ROBO2: variants seen among roughly 807,000 people sequenced by gnomAD.
ROBO2 encodes the protein roundabout homolog 2.
A neutral mutation model predicts 160.8 loss-of-function variants in ROBO2; 53 were observed. The observed-to-expected ratio is 0.33, with a 90% confidence interval of 0.26 to 0.41. The LOEUF (loss-of-function observed/expected upper bound fraction) is 0.41. Ranked by LOEUF, ROBO2 falls within the 10% of genes least tolerant of loss-of-function variation. The pLI is 1.00. For synonymous variants in ROBO2, 664 were observed against 611.7 expected (o/e 1.09, Z -1.26); for missense variants, 1,577 against 1,722.4 (o/e 0.92, Z 1.49).
At chr3:76,273,675 T>G (rs139772785) in intron 2 of ROBO2, among the ~76,000 whole-genome samples, 147 of 152,224 alleles carry the variant, frequency 9.7e-4, no homozygotes, top group African/African-American at 3.2e-3. Context: ...CTCATCATCA[T>G]GAGAACTCAC....
chr3:77,644,921 T>C lies in ROBO2; in HGVS notation c.4135+17T>C, dbSNP rs1222098786. 2 of 1,609,714 alleles carry C rather than the reference T, an allele frequency of 1.2e-6. No homozygotes were observed. Among genetic ancestry groups the C allele is most frequent in the South Asian group, 2.2e-5 (2 of 90,980 alleles). On this transcript the variant is annotated intron_variant, in intron 25 of 25. Transcript: ENST00000461745. ...GTGAATTATGTAAGTGCTTAGGTCATTTAAAAGGCTATCGTGATTCAGAAA... is the reference window on the plus strand; with the variant it reads ...GTGAATTATGTAAGTGCTTAGGTCACTTAAAAGGCTATCGTGATTCAGAAA...
intron 2 of ROBO2, among the ~76,000 whole-genome samples, chr3:77,183,399 G>T (rs932504606): frequency 1.3e-5 from 2 of 152,026 alleles, no homozygotes; most frequent in Admixed American, 1.3e-4. Context: ...TTTGGAGACA[G>T]GGTCTTTAGA....
At chr3:76,826,053 G>GTTT (rs200322872) in intron 2 of ROBO2, among the ~76,000 whole-genome samples, 1 of 142,272 alleles carries the variant, frequency 7.0e-6, no homozygotes. Context: ...GAGTTTGTGG[G>GTTT]TTTTTTTTTT....
chr3:76,868,753 G>A (rs1471754748), intron 2 of ROBO2, among the ~76,000 whole-genome samples: 1 of 150,980 alleles, frequency 6.6e-6, no homozygotes, highest in African/African-American at 2.4e-5. Context: ...AAAATCACTC[G>A]ATGATTTTTA....
chr3:76,074,936 G>T (rs1328319128), intron 2 of ROBO2, among the ~76,000 whole-genome samples: 1 of 152,126 alleles, frequency 6.6e-6, no homozygotes, highest in African/African-American at 2.4e-5. Flanking sequence ...TATAAAGAAA[G>T]AAATATGTGA....
rs558373949 is a variant in ROBO2, at chr3:77,257,967, G to A, written c.388+159627G>A. On this transcript the variant is annotated intron_variant, in intron 2 of 25. Transcript: ENST00000461745. ...TATAATGCCATTTAAACCTTTTTTAGCTAAAATGTCTTGACTAGAATTTGG... is the reference window on the plus strand; with the variant it reads ...TATAATGCCATTTAAACCTTTTTTAACTAAAATGTCTTGACTAGAATTTGG... Among the ~76,000 whole-genome samples the A allele has an allele frequency of 5.9e-5, 9 of 152,246 alleles. No homozygotes were observed. The South Asian group carries it at 1.9e-3, about 32-fold the overall frequency.
chr3:77,186,073 T>G (rs1484763197), intron 2 of ROBO2, among the ~76,000 whole-genome samples: 1 of 151,948 alleles, frequency 6.6e-6, no homozygotes, highest in African/African-American at 2.4e-5. Flanking sequence ...ACAAATTGGG[T>G]GCAGTGTGTA....
At chr3:77,263,600 T>C (rs1306330204) in intron 2 of ROBO2, among the ~76,000 whole-genome samples, 4 of 152,242 alleles carry the variant, frequency 2.6e-5, no homozygotes, top group African/African-American at 9.6e-5. Flanking sequence ...CTTTTATGGC[T>C]GCATAGTATT....
intron 2 of ROBO2, among the ~76,000 whole-genome samples, chr3:76,461,188 T>C (rs2078065780): frequency 6.6e-6 from 1 of 152,152 alleles, no homozygotes; most frequent in Non-Finnish European, 1.5e-5. Context: ...GGAGCAGGCA[T>C]GTCACATGGC....
chr3:76,641,989 G>C (rs1296081629), intron 2 of ROBO2, among the ~76,000 whole-genome samples: 1 of 152,076 alleles, frequency 6.6e-6, no homozygotes, highest in Non-Finnish European at 1.5e-5. Flanking sequence ...CAAAGTGTTG[G>C]GAATACAGGC....
At chr3:77,287,142 T>C (rs1172613440) in intron 2 of ROBO2, among the ~76,000 whole-genome samples, 1 of 152,194 alleles carries the variant, frequency 6.6e-6, no homozygotes, top group Non-Finnish European at 1.5e-5. Context: ...CTTACGCTCT[T>C]GAAATAAACC....
At chr3:76,169,991 A>G (rs1312917675) in intron 2 of ROBO2, among the ~76,000 whole-genome samples, 1 of 152,078 alleles carries the variant, frequency 6.6e-6, no homozygotes, top group Non-Finnish European at 1.5e-5. Flanking sequence ...CATGTTAGCC[A>G]GGATGGTCTC....
chr3:77,489,535 C>T (rs2085807606), intron 4 of ROBO2, among the ~76,000 whole-genome samples: 3 of 152,076 alleles, frequency 2.0e-5, no homozygotes, highest in Admixed American at 2.0e-4. Flanking sequence ...GAACAAGTAC[C>T]ATGACTAAAA....
At chr3:77,226,178 C>G (rs998452294) in intron 2 of ROBO2, among the ~76,000 whole-genome samples, 14 of 151,728 alleles carry the variant, frequency 9.2e-5, no homozygotes, top group Admixed American at 9.2e-4. Context: ...CAAGTTTTGA[C>G]CAAGAAAATT....
chr3:76,444,794 T>A (rs528075000), intron 2 of ROBO2, among the ~76,000 whole-genome samples: 1 of 152,326 alleles, frequency 6.6e-6, no homozygotes, highest in East Asian at 1.9e-4. Flanking sequence ...ACCAAACTGG[T>A]GTTATAATAA....
chr3:76,554,548 T>C lies in ROBO2; in HGVS notation c.110-543466T>C, dbSNP rs758544148. The stretch of plus-strand genomic sequence containing the variant: ...TCCATGTCCCACTTCGTTGCCTACA[T>C]TGTAATTGCGTGTCTAAAGGCAAAC... On this transcript the variant is annotated intron_variant, in intron 2 of 26. Transcript: ENST00000487694. 4.5e-4 allele frequency among the ~76,000 whole-genome samples: 68 copies of C among 152,132 alleles called. 1 individual carries two copies. Among genetic ancestry groups the C allele is most frequent in the Non-Finnish European group, 8.1e-4 (55 of 68,020 alleles).
At chr3:76,238,625 A>G (rs576736597) in intron 2 of ROBO2, among the ~76,000 whole-genome samples, 2 of 150,304 alleles carry the variant, frequency 1.3e-5, no homozygotes, top group Admixed American at 1.3e-4. Flanking sequence ...ACCTCCCCCC[A>G]GGTTTCCCCC....
chr3:76,890,514 G>T lies in ROBO2; in HGVS notation c.110-207500G>T, dbSNP rs1454021437. Among the ~76,000 whole-genome samples the T allele has an allele frequency of 2.0e-5, 3 of 152,172 alleles. No homozygotes were observed. In the East Asian group the frequency reaches 5.8e-4, roughly 29 times the overall value. Reference sequence around the variant, plus strand: ...CTCAGTAGCTGTCTGTCCCAGAAGAGCCATAGCCATTTCCAAATAGGGCCT... The same window carrying T: ...CTCAGTAGCTGTCTGTCCCAGAAGATCCATAGCCATTTCCAAATAGGGCCT... On this transcript the variant is annotated intron_variant, in intron 2 of 26. Coordinates refer to the ROBO2 transcript ENST00000487694.
At chr3:75,942,729 A>T (rs910782763) in intron 2 of ROBO2, among the ~76,000 whole-genome samples, 2 of 152,148 alleles carry the variant, frequency 1.3e-5, no homozygotes, top group African/African-American at 4.8e-5. Context: ...AGAGGTTCAC[A>T]CTATAAGGTA....
Sources: gnomAD v4.1 joint callset for allele counts (sites outside exome capture counted in the v4.1 genomes callset) on GRCh38, gnomAD v4.1.1 for gene constraint, MANE v1.5 for transcripts, NCBI Gene and HGNC (gene_info 2026-07-23, HGNC 2026-07-21) for gene names.